EPB41L4B: variants seen among roughly 807,000 people sequenced by gnomAD.
EPB41L4B encodes erythrocyte membrane protein band 4.1 like 4B.
A neutral mutation model predicts 112.5 loss-of-function variants in EPB41L4B; 30 were observed. The observed-to-expected ratio is 0.27, with a 90% CI of 0.20 to 0.36. The LOEUF (loss-of-function observed/expected upper bound fraction) is 0.36. EPB41L4B is among the 10% of genes least tolerant of loss of function. The pLI, the probability that EPB41L4B is intolerant of heterozygous loss-of-function variation, is 1.00. For missense variants in EPB41L4B, 1,024 were observed against 1,133.3 expected (o/e 0.90, Z 1.38); for synonymous variants, 408 against 439.7 (o/e 0.93, Z 0.90).
At chr9:109,241,804 G>A (rs781699650) in intron 15 of EPB41L4B, 2 of 1,614,158 alleles carry the variant, frequency 1.2e-6, no homozygotes, top group East Asian at 4.5e-5. Context: ...ATCCTGAAAG[G>A]ATGGCCTGTT....
At chr9:109,280,195 A>C (rs1402779373) in intron 1 of EPB41L4B, among the ~76,000 whole-genome samples, 1 of 152,212 alleles carries the variant, frequency 6.6e-6, no homozygotes, top group Admixed American at 6.5e-5. Flanking sequence ...ATGAATACCT[A>C]CATGGGAAGA....
At chr9:109,209,646 CA>C (rs34135848) in intron 17 of EPB41L4B, among the ~76,000 whole-genome samples, 575 of 134,484 alleles carry the variant, frequency 4.3e-3, no homozygotes, top group Middle Eastern at 7.8e-3. Context: ...AACCCTGTCT[CA>C]AAAAAAAAAA....
intron 1 of EPB41L4B, among the ~76,000 whole-genome samples, chr9:109,302,961 G>A (rs930543181): frequency 2.0e-5 from 3 of 151,922 alleles, no homozygotes; most frequent in Non-Finnish European, 2.9e-5. Flanking sequence ...TGCGCCTGCA[G>A]TCCCAGCTAC....
intron 11 of EPB41L4B, among the ~76,000 whole-genome samples, chr9:109,253,769 G>A (rs1243189913): frequency 2.0e-5 from 3 of 152,100 alleles, no homozygotes; most frequent in South Asian, 2.1e-4. Flanking sequence ...TTCCACCAAA[G>A]GGCAAAACCT....
intron 4 of EPB41L4B, among the ~76,000 whole-genome samples, chr9:109,266,869 T>C (rs1448481420): frequency 1.4e-5 from 2 of 146,988 alleles, no homozygotes; most frequent in African/African-American, 2.5e-5. Context: ...CTCGGGTGGC[T>C]GAGGCAGGAG....
intron 15 of EPB41L4B, chr9:109,240,323 T>C: frequency 2.0e-6 from 2 of 985,450 alleles, no homozygotes; most frequent in Non-Finnish European, 2.4e-6. Flanking sequence ...GGAGAGTTTA[T>C]AGGTAGTCAG....
chr9:109,219,111 C>T lies in EPB41L4B; in HGVS notation c.1410-1966G>A, dbSNP rs1043756131. Among the ~76,000 whole-genome samples, 16 of 152,296 alleles carry T rather than the reference C, an allele frequency of 1.1e-4. 1 individual carries two copies. The highest frequency in any genetic ancestry group is 4.1e-4 in the South Asian group (2 of 4,828). On this transcript the variant is annotated intron_variant, in intron 15 of 25. Transcript: ENST00000374566. ...ACAGAATCTTCTTTCTTATAGGAAACCCCATTCCTTGTGTTTGTATGGGAT... is the reference window on the plus strand; with the variant it reads ...ACAGAATCTTCTTTCTTATAGGAAATCCCATTCCTTGTGTTTGTATGGGAT...
At chr9:109,249,837 C>T (rs1834715556) in intron 13 of EPB41L4B, among the ~76,000 whole-genome samples, 1 of 152,214 alleles carries the variant, frequency 6.6e-6, no homozygotes, top group African/African-American at 2.4e-5. Context: ...AGCAGTTCAA[C>T]AGGACCCCTG....
chr9:109,230,777 G>T (rs1036477920), intron 15 of EPB41L4B, among the ~76,000 whole-genome samples: 13 of 152,162 alleles, frequency 8.5e-5, no homozygotes, highest in African/African-American at 2.9e-4. Flanking sequence ...ATTAATTAGG[G>T]ATGATTTCTT....
intron 1 of EPB41L4B, among the ~76,000 whole-genome samples, chr9:109,303,878 C>T (rs1837074113): frequency 6.6e-6 from 1 of 152,102 alleles, no homozygotes; most frequent in East Asian, 1.9e-4. Flanking sequence ...AAAATCAGTG[C>T]TTTTCCCATT....
intron 1 of EPB41L4B, among the ~76,000 whole-genome samples, chr9:109,314,905 G>A (rs1450061935): frequency 2.0e-5 from 3 of 152,108 alleles, no homozygotes; most frequent in Non-Finnish European, 4.4e-5. Context: ...CCTCCTGCGG[G>A]TCCCTTAATT....
intron 1 of EPB41L4B, among the ~76,000 whole-genome samples, chr9:109,308,388 A>G (rs1033889953): frequency 6.6e-6 from 1 of 152,212 alleles, no homozygotes; most frequent in African/African-American, 2.4e-5. Flanking sequence ...GATGCAATCA[A>G]CAAAACTCGG....
chr9:109,304,860 AT>A (rs1837109024), intron 1 of EPB41L4B, among the ~76,000 whole-genome samples: 1 of 152,182 alleles, frequency 6.6e-6, no homozygotes, highest in Non-Finnish European at 1.5e-5. Flanking sequence ...CAGAAGACAG[AT>A]TAGCGGCTGT....
intron 2 of EPB41L4B, among the ~76,000 whole-genome samples, chr9:109,277,299 T>C (rs770644450): frequency 1.6e-4 from 22 of 135,530 alleles, no homozygotes; most frequent in Non-Finnish European, 2.8e-4. Context: ...AGAGAGTAGA[T>C]TGAGAAGTAG....
At chr9:109,241,285 A>T in intron 15 of EPB41L4B, 5 of 999,580 alleles carry the variant, frequency 5.0e-6, no homozygotes, top group Non-Finnish European at 6.0e-6. Flanking sequence ...TAGCAATCTC[A>T]ACTTCTACGA....
chr9:109,287,694 T>C (rs1025147833), intron 1 of EPB41L4B, among the ~76,000 whole-genome samples: 4 of 152,178 alleles, frequency 2.6e-5, no homozygotes, highest in Non-Finnish European at 4.4e-5. Flanking sequence ...ATTACAGTGG[T>C]GTCATCATGG....
Position 109,255,842 on chromosome 9 carries a change from G to T in EPB41L4B, c.931C>A (p.Pro311Thr), listed in dbSNP as rs1158569204. ...TTAAAATCCATTTTGGTAATTTTAGGCCTAGTCAGACAGAAAGCATTTTAA... is the reference window on the plus strand; with the variant it reads ...TTAAAATCCATTTTGGTAATTTTAGTCCTAGTCAGACAGAAAGCATTTTAA... Reference protein sequence around the residue: ...GANKIGLFFWPKITKMDFKKS... With the variant: ...GANKIGLFFWTKITKMDFKKS... Residue 311 changes from proline (P) to threonine (T), a missense_variant and splice_region_variant, in exon 10 of 26, where the codon CCT becomes ACT. By Grantham distance (38) the Pro-to-Thr change is conservative. Transcript: ENST00000374566. The T allele has an allele frequency of 2.5e-6, 4 of 1,613,020 alleles. No individual in the cohort carries two copies. Among genetic ancestry groups the T allele is most frequent in the Non-Finnish European group, 3.4e-6 (4 of 1,179,726 alleles).
At chr9:109,228,887 G>A (rs1200607451) in intron 15 of EPB41L4B, among the ~76,000 whole-genome samples, 2 of 151,938 alleles carry the variant, frequency 1.3e-5, no homozygotes, top group Admixed American at 6.6e-5. Context: ...TTTCTCTTTC[G>A]GATTATCTAT....
chr9:109,266,309 G>A (rs1835398219), intron 4 of EPB41L4B, among the ~76,000 whole-genome samples: 3 of 152,152 alleles, frequency 2.0e-5, no homozygotes, highest in Admixed American at 1.3e-4. Context: ...CTGGGAGGTT[G>A]AGGCTGCAGT....
Sources: gnomAD v4.1 joint callset for allele counts (sites outside exome capture counted in the v4.1 genomes callset) on GRCh38, gnomAD v4.1.1 for gene constraint, MANE v1.5 for transcripts, NCBI Gene and HGNC (gene_info 2026-07-23, HGNC 2026-07-21) for gene names.